NFAM1: variants seen among roughly 807,000 people sequenced by gnomAD.
NFAM1 encodes NFAT activation molecule 1.
NFAM1 carries 17 observed loss-of-function variants against 29.0 expected under a neutral mutation model. The observed-to-expected ratio is 0.59, with a 90% CI of 0.40 to 0.88. NFAM1 has a LOEUF of 0.88. NFAM1 is among the 40% of genes least tolerant of loss of function. NFAM1 has a pLI of 0.00. For missense variants in NFAM1, 324 were observed against 344.6 expected, an observed-to-expected ratio of 0.94 and a Z score of 0.47; for synonymous variants, 175 against 147.2, an observed-to-expected ratio of 1.19 and a Z score of -1.36.
chr22:42,386,392 AACAAACACAC>A (rs1162312138), intron 5 of NFAM1, among the ~76,000 whole-genome samples: 21 of 48,976 alleles, frequency 4.3e-4, no homozygotes, highest in African/African-American at 2.0e-3. Flanking sequence ...AACAAAAACA[AACAAACACAC>A]ACACACACAC....
upstream of NFAM1, among the ~76,000 whole-genome samples, chr22:42,436,407 C>T (rs1483285556): frequency 1.3e-5 from 2 of 152,120 alleles, no homozygotes; most frequent in East Asian, 1.9e-4. Context: ...ACTCAGGGGC[C>T]GATCCACCCT....
chr22:42,384,733 C>G lies in NFAM1; in HGVS notation c.*428G>C. 1 of 220,322 alleles carries G rather than the reference C, an allele frequency of 4.5e-6. No homozygotes were observed. Among genetic ancestry groups the G allele is most frequent in the Non-Finnish European group, 9.2e-6 (1 of 108,900 alleles). 13.6% of individuals were successfully genotyped at this position (220,322 alleles called of 1,614,324 possible). ...CCATACCTCGGCTCCCCACACAGCA[C>G]TGCTAGGCGCCCCTGCAGGGTCCTC... On this transcript the variant is annotated 3_prime_UTR_variant, in exon 6 of 6. Coordinates refer to ENST00000329021, the MANE Select transcript of NFAM1 (RefSeq NM_145912.8).
upstream of NFAM1, among the ~76,000 whole-genome samples, chr22:42,435,558 G>A (rs1930918956): frequency 6.6e-6 from 1 of 151,868 alleles, no homozygotes; most frequent in Non-Finnish European, 1.5e-5. Context: ...TGTTGGTCAG[G>A]CTGGTCTCGA....
chr22:42,432,206 G>C (rs192517826), intron 1 of NFAM1, 31 bp downstream of exon 1: 175 of 1,547,708 alleles, frequency 1.1e-4, no homozygotes, highest in Non-Finnish European at 1.5e-4. Flanking sequence ...TGGAGCGAGA[G>C]AGTAGAGAGA....
rs566976156 is a variant in NFAM1, at chr22:42,403,001, A to AT, written c.565-5046dup. 3.3e-3 allele frequency among the ~76,000 whole-genome samples: 496 copies of AT among 148,398 alleles called. 10 individuals are homozygous for AT. In the South Asian group the frequency reaches 0.038, roughly 11 times the overall value. On this transcript the variant is annotated intron_variant, in intron 3 of 5. Transcript: ENST00000329021. ...AGGAGCCTACCACCATGCCCGGCTA[A>AT]TTTTTTTTTTGTATTTTTAGTAGAG... is the stretch of plus-strand genomic sequence containing the variant.
chr22:42,421,420 G>C (rs1380414727), intron 1 of NFAM1, among the ~76,000 whole-genome samples: 2 of 150,652 alleles, frequency 1.3e-5, no homozygotes, highest in African/African-American at 4.9e-5. Flanking sequence ...ACTCCAGCCT[G>C]GGCAGTAAGA....
intron 1 of NFAM1, among the ~76,000 whole-genome samples, chr22:42,415,513 A>G (rs949787222): frequency 2.6e-5 from 4 of 151,818 alleles, no homozygotes; most frequent in Middle Eastern, 6.3e-3. Flanking sequence ...GTTAGCCAGA[A>G]TGGTCTCAAT....
intron 3 of NFAM1, among the ~76,000 whole-genome samples, chr22:42,399,274 C>T (rs1929640441): frequency 6.6e-6 from 1 of 151,786 alleles, no homozygotes; most frequent in Admixed American, 6.6e-5. Context: ...TGGCAACACC[C>T]CATCTCTACT....
At chr22:42,421,197 T>TC (rs11443968) in intron 1 of NFAM1, among the ~76,000 whole-genome samples, 50,289 of 152,028 alleles carry the variant, frequency 0.33, 8,486 homozygotes, top group African/African-American at 0.39. Context: ...ACGCCTGTAA[T>TC]CCCAGCACTC....
At chr22:42,395,894 A>AAG (rs984321701) in intron 4 of NFAM1, among the ~76,000 whole-genome samples, 5 of 149,228 alleles carry the variant, frequency 3.4e-5, no homozygotes, top group Admixed American at 6.6e-5. Flanking sequence ...AAAAAAAAAA[A>AAG]AAAGAAAGAA....
rs1306220565 is a variant in NFAM1, at chr22:42,420,000, T to G, written c.122-8264A>C. Among the ~76,000 whole-genome samples, 9,414 of 103,374 alleles carry G rather than the reference T, an allele frequency of 0.091. 1,580 individuals carry two copies. Among genetic ancestry groups the G allele is most frequent in the South Asian group, 0.16 (446 of 2,724 alleles). 67.8% of individuals were successfully genotyped at this position (103,374 alleles called of 152,430 possible). A position where few individuals can be genotyped will look rare whatever the true frequency, so the allele number is the denominator to read the frequency against. On this transcript the variant is annotated intron_variant, in intron 1 of 5. Transcript: ENST00000329021. The surrounding 1 kb of genome is among the most constrained non-coding windows in gnomAD (Gnocchi z 4.5). ...GTAATCCCACTCTTGGTTTTTTTTT[T>G]TTTTTTTTTTTTTTTTTTTTTTTTT...
upstream of NFAM1, among the ~76,000 whole-genome samples, chr22:42,433,715 G>A (rs1930874149): frequency 6.6e-6 from 1 of 152,162 alleles, no homozygotes; most frequent in Non-Finnish European, 1.5e-5. Flanking sequence ...ATGAACAGGA[G>A]AAGTTTCCTA....
chr22:42,419,446 TG>T lies in NFAM1; in HGVS notation c.122-7711del. ...AGCATTTCATGCGTAGTAAGGGCAC[TG>T]TTTGCGACCTTCTAGTTTCAGTTAT... On this transcript the variant is annotated intron_variant, in intron 1 of 5. Transcript: ENST00000329021. This position sits in a 1 kb window ranked among gnomAD's most constrained non-coding sequence, Gnocchi z 4.5. 6.6e-6 allele frequency among the ~76,000 whole-genome samples: 1 copy of T among 152,346 alleles called. No homozygotes were observed. The highest frequency in any genetic ancestry group is 2.1e-4 in the South Asian group (1 of 4,826).
rs368145413 is a variant in NFAM1, at chr22:42,419,511, A to G, written c.122-7775T>C. On this transcript the variant is annotated intron_variant, in intron 1 of 5. Coordinates refer to ENST00000329021, the MANE Select transcript of NFAM1 (RefSeq NM_145912.8). This position sits in a 1 kb window ranked among gnomAD's most constrained non-coding sequence, Gnocchi z 4.5. ...GGTTCAGACAGGGTCACGCTAAAAC[A>G]TGCATCTCTTAACTTTGGGCCACTG... Among the ~76,000 whole-genome samples the G allele has an allele frequency of 6.6e-6, 1 of 152,178 alleles. No homozygotes were observed. Among genetic ancestry groups the G allele is most frequent in the South Asian group, 2.1e-4 (1 of 4,830 alleles).
At chr22:42,426,523 C>T (rs1234885556) in intron 1 of NFAM1, among the ~76,000 whole-genome samples, 4 of 152,222 alleles carry the variant, frequency 2.6e-5, no homozygotes, top group Admixed American at 2.6e-4. Flanking sequence ...CTCTGCAGCC[C>T]CTCCTCTGTG....
At chr22:42,404,786 C>T (rs1479488419) in intron 3 of NFAM1, among the ~76,000 whole-genome samples, 2 of 144,802 alleles carry the variant, frequency 1.4e-5, no homozygotes, top group East Asian at 2.1e-4. Context: ...ATCTGAGAGG[C>T]GGAGGTGCAG....
At chr22:42,411,135 T>C (rs1206347326) in intron 2 of NFAM1, among the ~76,000 whole-genome samples, 1 of 151,528 alleles carries the variant, frequency 6.6e-6, no homozygotes, top group African/African-American at 2.4e-5. Flanking sequence ...GAAATTCTTA[T>C]GCCTCAGCCT....
chr22:42,437,027 T>C (rs571463372), upstream of NFAM1: 2 of 984,120 alleles, frequency 2.0e-6, no homozygotes, highest in Non-Finnish European at 2.4e-6. Context: ...CTATGCTCAG[T>C]TTCTGGGAGG....
intron 3 of NFAM1, among the ~76,000 whole-genome samples, chr22:42,406,780 T>C (rs1173027819): frequency 2.0e-5 from 3 of 152,218 alleles, no homozygotes; most frequent in Admixed American, 6.5e-5. Flanking sequence ...TCTTTTCTTT[T>C]TCCTTTTTTT....
Sources: allele counts gnomAD v4.1 joint callset (sites outside exome capture counted in the v4.1 genomes callset), GRCh38; gene constraint gnomAD v4.1.1; non-coding constraint Gnocchi (gnomAD v3.1); transcripts MANE v1.5; gene names NCBI Gene and HGNC (gene_info 2026-07-23, HGNC 2026-07-21).